Variants in ARMH3 observed in about 807,000 individuals in gnomAD.
The protein encoded by ARMH3 is armadillo like helical domain containing 3, also known as armadillo-like helical domain-containing protein 3.
A neutral mutation model predicts 99.1 loss-of-function variants in ARMH3; 60 were observed. The observed-to-expected ratio is 0.61, with a 90% CI of 0.49 to 0.75. The LOEUF is 0.75. ARMH3 is among the 30% of genes least tolerant of loss of function. The probability of loss-of-function intolerance (pLI) is 0.00; values close to 1 mark genes in which losing one functional copy is unlikely to be tolerated. For missense variants in ARMH3, 679 were observed against 843.1 expected (o/e 0.81, Z 2.41); for synonymous variants, 285 against 292.8 (o/e 0.97, Z 0.27).
intron 23 of ARMH3, among the ~76,000 whole-genome samples, chr10:101,930,163 T>C (rs1347637147): frequency 6.6e-6 from 1 of 152,100 alleles, no homozygotes; most frequent in African/African-American, 2.4e-5. Context: ...GTTTAACATC[T>C]GAAAATCAAT....
At chr10:101,993,256 G>C (rs1209410393) in intron 17 of ARMH3, among the ~76,000 whole-genome samples, 1 of 147,484 alleles carries the variant, frequency 6.8e-6, no homozygotes, top group East Asian at 2.0e-4. Context: ...GGGGGGGAGA[G>C]AGAGAGAGAG....
chr10:101,915,848 G>A (rs1843062835), intron 23 of ARMH3, among the ~76,000 whole-genome samples: 2 of 143,872 alleles, frequency 1.4e-5, no homozygotes, highest in South Asian at 4.4e-4. Context: ...CTCTCACCCA[G>A]GTTGGACTGC....
intron 23 of ARMH3, among the ~76,000 whole-genome samples, chr10:101,908,608 T>C (rs1251196524): frequency 6.6e-6 from 1 of 151,878 alleles, no homozygotes; most frequent in Non-Finnish European, 1.5e-5. Context: ...TATGATTACA[T>C]AAATCAGAAC....
chr10:102,050,838 C>G (rs1325966815), intron 1 of ARMH3, among the ~76,000 whole-genome samples: 2 of 134,388 alleles, frequency 1.5e-5, no homozygotes, highest in Non-Finnish European at 3.1e-5. Flanking sequence ...GCCTGGGTGA[C>G]AGAACAAGAC....
intron 23 of ARMH3, among the ~76,000 whole-genome samples, chr10:101,923,879 C>A (rs1007530834): frequency 6.6e-6 from 1 of 152,150 alleles, no homozygotes; most frequent in Admixed American, 6.5e-5. Context: ...TTCCCCCACC[C>A]ACAGATTTCT....
intron 1 of ARMH3, among the ~76,000 whole-genome samples, chr10:102,047,196 A>C (rs963778244): frequency 5.3e-5 from 8 of 152,120 alleles, no homozygotes; most frequent in African/African-American, 1.9e-4. Context: ...TTTTTTTTTA[A>C]ACTCTCCCAC....
rs180681135 is a variant in ARMH3 at position 101,898,690 on chromosome 10, A to G, written c.1782-9200T>C. Among the ~76,000 whole-genome samples, 128 of 152,092 alleles carry G rather than the reference A, an allele frequency of 8.4e-4. 1 individual carries two copies. Among genetic ancestry groups the G allele is most frequent in the African/African-American group, 2.3e-3 (94 of 41,558 alleles). ...TTATACTCAATACGCGCACACGCGC[A>G]CACACACACACACATATATGTATGT... On this transcript the variant is annotated intron_variant, in intron 23 of 25. Transcript: ENST00000370033.
intron 23 of ARMH3, 109 bp from the exon 24 acceptor site, chr10:101,889,599 C>T (rs767267248): frequency 1.5e-4 from 149 of 981,038 alleles, no homozygotes; most frequent in Non-Finnish European, 1.9e-4. Flanking sequence ...AGCATGGGAC[C>T]GATTGTGACT....
intron 9 of ARMH3, among the ~76,000 whole-genome samples, chr10:102,013,240 TG>T (rs752259381): frequency 2.0e-5 from 3 of 152,138 alleles, no homozygotes; most frequent in Non-Finnish European, 2.9e-5. Flanking sequence ...CACAGCAAGG[TG>T]ACAATGAGTC....
In ARMH3 at chr10:102,010,007, A is replaced by T. The variant is rs139251297; in HGVS notation, c.848T>A (p.Ile283Lys). 6.2e-7 allele frequency: 1 copy of T among 1,614,066 alleles called. No individual in the cohort carries two copies. The highest frequency in any genetic ancestry group is 1.3e-5 in the African/African-American group (1 of 75,054). Residue 283 changes from isoleucine to lysine, a missense_variant, in exon 12 of 26, where the codon ATA becomes AAA. Around this residue, in one of 3 missense-constraint regions of ARMH3, gnomAD observed 280 missense variants for 354.6 expected, o/e 0.79. Coordinates refer to ENST00000370033, the MANE Select transcript of ARMH3 (RefSeq NM_024541.3). ...ALTNMVGSMFIADAHEKISVQ... is the reference protein window; with the variant it reads ...ALTNMVGSMFKADAHEKISVQ... ...TGAGATTTTCTCATGGGCATCTGCTATGAACATGCTGCCCACCTGTGGAAG... is the reference window on the plus strand; with the variant it reads ...TGAGATTTTCTCATGGGCATCTGCTTTGAACATGCTGCCCACCTGTGGAAG...
At chr10:101,895,990 G>C (rs558259376) in intron 23 of ARMH3, among the ~76,000 whole-genome samples, 2 of 152,248 alleles carry the variant, frequency 1.3e-5, no homozygotes, top group East Asian at 3.9e-4. Context: ...GCAAGGCTGG[G>C]CACAGTGACT....
chr10:101,873,409 C>CA (rs1030179527), intron 24 of ARMH3, among the ~76,000 whole-genome samples: 36 of 151,398 alleles, frequency 2.4e-4, no homozygotes, highest in Admixed American at 8.6e-4. Flanking sequence ...AAGATTCTGT[C>CA]AAAAAAACAA....
chr10:101,963,108 T>C (rs895202478), intron 20 of ARMH3, among the ~76,000 whole-genome samples: 30 of 151,390 alleles, frequency 2.0e-4, no homozygotes, highest in African/African-American at 7.0e-4. Flanking sequence ...TAGCTGGGAT[T>C]ACAGGAACCC....
intron 22 of ARMH3, among the ~76,000 whole-genome samples, chr10:101,945,859 G>A (rs925243693): frequency 6.6e-5 from 10 of 151,854 alleles, no homozygotes; most frequent in African/African-American, 1.9e-4. Flanking sequence ...AAGGTGGGCA[G>A]ATCACCTGAG....
intron 24 of ARMH3, among the ~76,000 whole-genome samples, chr10:101,886,494 A>T (rs111565170): frequency 3.4e-4 from 52 of 152,270 alleles, no homozygotes; most frequent in African/African-American, 1.1e-3. Context: ...TGGGTGACAG[A>T]GTGAGACTCT....
intron 5 of ARMH3, among the ~76,000 whole-genome samples, chr10:102,025,633 T>TCTTTA (rs1413579558): frequency 1.3e-5 from 2 of 149,890 alleles, no homozygotes; most frequent in Non-Finnish European, 3.0e-5. Context: ...TGTATATGTT[T>TCTTTA]CTTTTCTTTT....
intron 1 of ARMH3, among the ~76,000 whole-genome samples, chr10:102,043,317 C>G (rs1333008116): frequency 6.6e-6 from 1 of 152,208 alleles, no homozygotes; most frequent in African/African-American, 2.4e-5. Flanking sequence ...CTGTGCTTCT[C>G]AGTTTCCTCA....
At chr10:101,864,060 C>CAAAAAA (rs71485765) in intron 24 of ARMH3, among the ~76,000 whole-genome samples, 1 of 105,680 alleles carries the variant, frequency 9.5e-6, no homozygotes, top group Non-Finnish European at 1.8e-5. Flanking sequence ...GACTCCATCT[C>CAAAAAA]AAAAAAAAAA....
At chr10:101,949,528 T>C (rs555523495) in intron 22 of ARMH3, among the ~76,000 whole-genome samples, 1 of 152,246 alleles carries the variant, frequency 6.6e-6, no homozygotes, top group Admixed American at 6.5e-5. Flanking sequence ...CACTGCTAAA[T>C]AGATAACTTA....
Sources: gnomAD v4.1 joint callset for allele counts (sites outside exome capture counted in the v4.1 genomes callset) on GRCh38, gnomAD v4.1.1 for gene constraint, gnomAD v4.1.1 regional missense constraint, MANE v1.5 for transcripts, NCBI Gene and HGNC (gene_info 2026-07-23, HGNC 2026-07-21) for gene names.